SLC66A1: variants seen among roughly 807,000 people sequenced by gnomAD.
SLC66A1 encodes the protein lysosomal amino acid transporter 1 homolog.
In SLC66A1, 23 loss-of-function variants were observed where a neutral mutation model predicts 33.0. That is an observed-to-expected ratio of 0.70 (90% confidence interval 0.50 to 0.99). The LOEUF is 0.99. SLC66A1 is among the 50% of genes least tolerant of loss of function. The probability of loss-of-function intolerance (pLI) is 0.00; values close to 1 mark genes in which losing one functional copy is unlikely to be tolerated. For missense variants in SLC66A1, 335 were observed against 383.6 expected (o/e 0.87, Z 1.06); for synonymous variants, 164 against 175.5 (o/e 0.93, Z 0.52).
At position 19,322,509 on chromosome 1, in the gene SLC66A1, C is replaced by A. The variant is rs1305220801; in HGVS notation, c.165-2124C>A. Among the ~76,000 whole-genome samples, 4 of 152,080 alleles carry A rather than the reference C, an allele frequency of 2.6e-5. 1 individual carries two copies. The highest frequency in any genetic ancestry group is 9.7e-5 in the African/African-American group (4 of 41,402). On this transcript the variant is annotated intron_variant, in intron 2 of 7. Coordinates refer to ENST00000375153, the MANE Select transcript of SLC66A1 (RefSeq NM_001040125.2). The stretch of plus-strand genomic sequence containing the variant: ...GTAAGGGATAAACCTTGATTAAGGG[C>A]CTTCTCAGTGCTGGGCCTATGCTAG...
rs546886396 is a variant in SLC66A1 at position 19,326,541 on chromosome 1, G to A, written c.536G>A (p.Arg179Gln). The A allele has an allele frequency of 5.2e-5, 84 of 1,614,192 alleles. 2 individuals are homozygous for A. Among genetic ancestry groups the A allele is most frequent in the South Asian group, 1.1e-4 (10 of 91,084 alleles). ...CCTTCTGCCCCACAGCCCTTCACCC[G>A]GCAGGAAGTCATTGGCTTCGTCATC... ...SVESGSKPFT[R>Q]QEVIGFVIGS... is the part of the protein sequence containing the mutation. The change falls in exon 6 of 8, where the codon CGG (arginine) becomes CAG (glutamine). Residue 179 changes from arginine to glutamine, a missense_variant. By Grantham distance (43) the Arg-to-Gln change is conservative. Transcript: ENST00000375153.
chr1:19,322,134 G>C (rs1166490428), intron 2 of SLC66A1, among the ~76,000 whole-genome samples: 1 of 152,066 alleles, frequency 6.6e-6, no homozygotes, highest in Non-Finnish European at 1.5e-5. Flanking sequence ...CTTGGAGGCT[G>C]TGGAAGCCTT....
intron 1 of SLC66A1, among the ~76,000 whole-genome samples, chr1:19,316,220 C>CA (rs1228387569): frequency 6.6e-6 from 1 of 152,194 alleles, no homozygotes; most frequent in Admixed American, 6.5e-5. Context: ...GCATCCCCCC[C>CA]ACACTCTGTG....
downstream of SLC66A1, among the ~76,000 whole-genome samples, chr1:19,332,910 G>A (rs1475724733): frequency 6.6e-6 from 1 of 152,200 alleles, no homozygotes; most frequent in Non-Finnish European, 1.5e-5. Context: ...CGCCCACATG[G>A]AGCATGAGGT....
intron 2 of SLC66A1, 81 bp from the exon 3 acceptor site, chr1:19,324,551 TC>T: frequency 6.5e-7 from 1 of 1,532,428 alleles, no homozygotes; most frequent in Non-Finnish European, 8.9e-7. Context: ...CATGGTCGTC[TC>T]CTCTGGGCGG....
Position 19,326,681 on chromosome 1 carries a change from C to T in SLC66A1, c.618+58C>T, listed in dbSNP as rs2073095. The T allele has an allele frequency of 9.5e-3, 14,778 of 1,557,634 alleles. 528 individuals carry two copies. In the East Asian group the frequency reaches 0.13, roughly 14 times the overall value. ...GTAGAGGAGAGCTGGCCTGGCCACC[C>T]GGGCCCTCTGGGCTAAGGAGTAGCA... On this transcript the variant is annotated intron_variant, in intron 6 of 7. Transcript: ENST00000375153.
intron 2 of SLC66A1, among the ~76,000 whole-genome samples, chr1:19,322,131 G>T (rs1001183460): frequency 6.6e-6 from 1 of 152,010 alleles, no homozygotes; most frequent in African/African-American, 2.4e-5. Flanking sequence ...CACCTTGGAG[G>T]CTGTGGAAGC....
chr1:19,312,890 G>A lies in SLC66A1; in HGVS notation c.-79+1G>A, dbSNP rs1409581602. ...TGCCTCCTCCCACGCCGTGCTTAGG[G>A]TAGGTTTCCAAACGTGTAAATGGAG... On this transcript the variant is annotated splice_donor_variant, in intron 1 of 7. Transcript: ENST00000375153. LOFTEE classifies it low-confidence loss of function (5UTR_SPLICE). 2 of 152,852 alleles carry A rather than the reference G, an allele frequency of 1.3e-5. No homozygotes were observed. The highest frequency in any genetic ancestry group is 4.8e-5 in the African/African-American group (2 of 41,464). The allele number at this position is 152,852 out of a possible 1,614,324, so 9.5% of individuals were successfully genotyped here. A position where few individuals can be genotyped will look rare whatever the true frequency, so the allele number is the denominator to read the frequency against.
rs1569812094 is a variant in SLC66A1 at position 19,328,706 on chromosome 1, T to C, written c.*63T>C. ...GGATGCCACACCAGGCAGGAGGAGG[T>C]GTGGACAGTGATGGTACGGCGGCCC... On this transcript the variant is annotated 3_prime_UTR_variant, in exon 8 of 8. Coordinates refer to ENST00000375153, the MANE Select transcript of SLC66A1 (RefSeq NM_001040125.2). The surrounding 1 kb of genome is among the most constrained non-coding windows in gnomAD (Gnocchi z 4.7). 1 of 1,559,500 alleles carries C rather than the reference T, an allele frequency of 6.4e-7. No homozygotes were observed.
Position 19,327,400 on chromosome 1 carries a change from G to C in SLC66A1, c.792G>C (p.Leu264=). 6.3e-7 allele frequency: 1 copy of C among 1,593,752 alleles called. No individual in the cohort carries two copies. Among genetic ancestry groups the C allele is most frequent in the Non-Finnish European group, 8.5e-7 (1 of 1,169,856 alleles). ...PWLVGSLGVL[L]LDTIISIQFL... ...TTGTGGGCAGCCTGGGCGTGCTGCT[G>C]CTCGACACCATCGTATCCTTCAGGG... The change falls in exon 7 of 8, where the codon CTG becomes CTC. Residue 264 remains leucine (L), a synonymous_variant. Transcript: ENST00000375153.
chr1:19,327,108 G>T, intron 6 of SLC66A1, 119 bp from the exon 7 acceptor site: 1 of 1,059,566 alleles, frequency 9.4e-7, no homozygotes, highest in Non-Finnish European at 1.4e-6. Context: ...TGGGCACCCA[G>T]GGAAAGATTG....
rs554982153 is a variant in SLC66A1, at chr1:19,320,766, G to A, written c.164+2925G>A. On this transcript the variant is annotated intron_variant, in intron 2 of 7. Transcript: ENST00000375153. The stretch of plus-strand genomic sequence containing the variant: ...CTTGCTCTGTTGCCCAGGCTGGAGT[G>A]CAGCAGTGCAATCTTGGCTCACTGT... 3.3e-4 allele frequency among the ~76,000 whole-genome samples: 50 copies of A among 149,354 alleles called. 4 individuals carry two copies. The highest frequency in any genetic ancestry group is 1.2e-3 in the African/African-American group (46 of 38,992).
chr1:19,313,802 C>T (rs1036055212), intron 1 of SLC66A1, among the ~76,000 whole-genome samples: 5 of 152,216 alleles, frequency 3.3e-5, no homozygotes, highest in African/African-American at 4.8e-5. Flanking sequence ...AAGGTGGACA[C>T]ATGATTGGCT....
rs114934892 is a variant in SLC66A1, at chr1:19,316,746, A to T, written c.-78-854A>T. ...CATTGGTGTGATCATGGCTCTCTAT[A>T]GCCTGTACCTCCTGGGCTCAAGTGA... On this transcript the variant is annotated intron_variant, in intron 1 of 7. Transcript: ENST00000375153. Among the ~76,000 whole-genome samples, 499 of 151,622 alleles carry T rather than the reference A, an allele frequency of 3.3e-3. 1 individual carries two copies. The highest frequency in any genetic ancestry group is 0.011 in the African/African-American group (448 of 41,276).
intron 2 of SLC66A1, among the ~76,000 whole-genome samples, chr1:19,319,499 G>A (rs1048871197): frequency 2.6e-5 from 4 of 151,576 alleles, no homozygotes; most frequent in African/African-American, 9.7e-5. Context: ...GCCGAATACT[G>A]TTTTACTCTG....
intron 1 of SLC66A1, among the ~76,000 whole-genome samples, chr1:19,316,510 C>A (rs990092355): frequency 6.6e-6 from 1 of 152,060 alleles, no homozygotes; most frequent in Non-Finnish European, 1.5e-5. Context: ...CCTCAGCCTC[C>A]TGAGTAGCTA....
chr1:19,327,567 C>T, intron 7 of SLC66A1, 155 bp downstream of exon 7: 1 of 966,692 alleles, frequency 1.0e-6, no homozygotes, highest in South Asian at 1.4e-5. Flanking sequence ...ATCTGTTCAC[C>T]CAGTCGTGCA....
intron 2 of SLC66A1, among the ~76,000 whole-genome samples, chr1:19,322,837 G>T (rs981498018): frequency 6.6e-6 from 1 of 152,060 alleles, no homozygotes. Flanking sequence ...GGCTCTGGCA[G>T]TTTTTGGTGA....
chr1:19,316,397 T>TC (rs2093806164), intron 1 of SLC66A1, among the ~76,000 whole-genome samples: 1 of 143,808 alleles, frequency 7.0e-6, no homozygotes, highest in African/African-American at 2.6e-5. Flanking sequence ...GTGTGTGTTT[T>TC]CTTTTAAGAC....
Sources: gnomAD v4.1 joint callset for allele counts (sites outside exome capture counted in the v4.1 genomes callset) on GRCh38, gnomAD v4.1.1 for gene constraint, Gnocchi (gnomAD v3.1) non-coding constraint, MANE v1.5 for transcripts, NCBI Gene and HGNC (gene_info 2026-07-23, HGNC 2026-07-21) for gene names.